Variants in SMYD2 observed in about 807,000 individuals in gnomAD.
SMYD2 encodes the protein SET and MYND domain containing 2.
Under a neutral mutation model 59.1 loss-of-function variants are expected in SMYD2, and 53 were observed. The observed-to-expected ratio is 0.90, with a 90% CI of 0.72 to 1.13. SMYD2 has a LOEUF of 1.13. SMYD2 is among the 50% of genes most tolerant of loss of function. The pLI is 0.00. For synonymous variants in SMYD2, 208 were observed against 198.8 expected (o/e 1.05, Z -0.39); for missense variants, 494 against 544.7 (o/e 0.91, Z 0.93).
At chr1:214,294,355 C>T (rs575993603) in intron 1 of SMYD2, among the ~76,000 whole-genome samples, 1 of 152,258 alleles carries the variant, frequency 6.6e-6, no homozygotes, top group South Asian at 2.1e-4. Context: ...TAAAATTCTT[C>T]TGTAGGCAAT....
chr1:214,314,251 C>T (rs1166643300), intron 2 of SMYD2, among the ~76,000 whole-genome samples: 1 of 152,086 alleles, frequency 6.6e-6, no homozygotes, highest in Non-Finnish European at 1.5e-5. Context: ...ATTCCTAAAT[C>T]TTTCCAGTGG....
chr1:214,325,304 A>G (rs142309860), intron 6 of SMYD2, among the ~76,000 whole-genome samples: 122 of 152,378 alleles, frequency 8.0e-4, no homozygotes, highest in African/African-American at 2.8e-3. Flanking sequence ...TCTGACTTTA[A>G]TGGATTGCCA....
At position 214,337,056 on chromosome 1, in the gene SMYD2, A is replaced by AATT. The variant is rs1435339046; in HGVS notation, c.*276_*278dup. ...TGGACAGACAGAGTTTTAAAAATGG[A>AATT]ATTATTTTTTCTTTCATGCCTCTTG... On this transcript the variant is annotated 3_prime_UTR_variant, in exon 12 of 12. Coordinates refer to ENST00000366957, the MANE Select transcript of SMYD2 (RefSeq NM_020197.3). The AATT allele has an allele frequency of 3.3e-6, 1 of 307,044 alleles. No individual in the cohort carries two copies. Among genetic ancestry groups the AATT allele is most frequent in the East Asian group, 7.9e-5 (1 of 12,644 alleles). The allele number at this position is 307,044 out of a possible 1,614,324, so 19.0% of individuals were successfully genotyped here.
chr1:214,327,920 G>T (rs1490834841), intron 7 of SMYD2, among the ~76,000 whole-genome samples, 196 bp downstream of exon 7: 3 of 152,168 alleles, frequency 2.0e-5, no homozygotes. Context: ...CCACACTTTG[G>T]GGCTTCTGTT....
At chr1:214,282,245 C>T (rs1002609457) in intron 1 of SMYD2, among the ~76,000 whole-genome samples, 2 of 152,218 alleles carry the variant, frequency 1.3e-5, no homozygotes, top group Non-Finnish European at 1.5e-5. Context: ...CATTAGAAAT[C>T]ACCAATTCAG....
chr1:214,310,844 A>G (rs1328544244), intron 2 of SMYD2, among the ~76,000 whole-genome samples: 6 of 152,200 alleles, frequency 3.9e-5, no homozygotes, highest in Non-Finnish European at 8.8e-5. Flanking sequence ...GACCATCTCT[A>G]TGATAGAAGA....
At chr1:214,334,081 G>A in intron 10 of SMYD2, 119 bp from the exon 11 acceptor site, 1 of 794,042 alleles carries the variant, frequency 1.3e-6, no homozygotes, top group African/African-American at 1.7e-5. Context: ...GATTTGGAGA[G>A]GCCGCTGGTG....
At chr1:214,332,326 AG>A (rs1657369474) in intron 10 of SMYD2, 134 bp downstream of exon 10, 1 of 1,027,504 alleles carries the variant, frequency 9.7e-7, no homozygotes, top group Admixed American at 2.6e-5. Flanking sequence ...CCACATCTGG[AG>A]GTGCTGGTGC....
rs1225788656 is a variant in SMYD2 at position 214,318,190 on chromosome 1, A to G, written c.409+51A>G. Reference sequence around the variant, plus strand: ...CAGTTCTCTCAGCCACAGATTTCACATGGGTTGGGCAGGATTGAAGCGAGG... The same window carrying G: ...CAGTTCTCTCAGCCACAGATTTCACGTGGGTTGGGCAGGATTGAAGCGAGG... On this transcript the variant is annotated intron_variant, in intron 4 of 11. Transcript: ENST00000366957. The surrounding 1 kb of genome is among the most constrained non-coding windows in gnomAD (Gnocchi z 5.4). 7 of 1,568,544 alleles carry G rather than the reference A, an allele frequency of 4.5e-6. No homozygotes were observed. Among genetic ancestry groups the G allele is most frequent in the Middle Eastern group, 1.7e-4 (1 of 5,966 alleles).
intron 1 of SMYD2, among the ~76,000 whole-genome samples, chr1:214,301,935 G>T (rs556066425): frequency 1.1e-3 from 171 of 152,222 alleles, no homozygotes; most frequent in African/African-American, 4.0e-3. Flanking sequence ...CAATGCCAAA[G>T]ACATATATAC....
chr1:214,316,348 G>T (rs1453595663), intron 3 of SMYD2, among the ~76,000 whole-genome samples: 1 of 151,972 alleles, frequency 6.6e-6, no homozygotes, highest in African/African-American at 2.4e-5. Context: ...AGGTGTGGTG[G>T]TATACACCTG....
chr1:214,332,254 G>A, intron 10 of SMYD2, 62 bp downstream of exon 10: 3 of 1,559,354 alleles, frequency 1.9e-6, no homozygotes, highest in Non-Finnish European at 2.6e-6. Flanking sequence ...GAATGTATAC[G>A]ATAGTGTCAT....
intron 1 of SMYD2, among the ~76,000 whole-genome samples, chr1:214,292,189 G>A (rs1030379577): frequency 6.6e-6 from 1 of 152,060 alleles, no homozygotes; most frequent in South Asian, 2.1e-4. Context: ...CCATGGTAGA[G>A]TCGGGGCTTC....
At chr1:214,321,398 TACAC>T (rs1302456001) in intron 5 of SMYD2, among the ~76,000 whole-genome samples, 2 of 149,062 alleles carry the variant, frequency 1.3e-5, no homozygotes, top group Non-Finnish European at 3.0e-5. Flanking sequence ...TTCACACAAA[TACAC>T]ACACATATAA....
chr1:214,314,655 CAT>C, intron 2 of SMYD2, 105 bp from the exon 3 acceptor site: 1 of 744,174 alleles, frequency 1.3e-6, no homozygotes, highest in Non-Finnish European at 2.2e-6. Flanking sequence ...CAAAAGGAAA[CAT>C]ATTTTACTTG....
At chr1:214,296,829 G>A (rs1656737387) in intron 1 of SMYD2, among the ~76,000 whole-genome samples, 1 of 152,038 alleles carries the variant, frequency 6.6e-6, no homozygotes, top group Non-Finnish European at 1.5e-5. Context: ...ATCCTAAATT[G>A]TGAGACAGGA....
intron 5 of SMYD2, among the ~76,000 whole-genome samples, chr1:214,322,975 G>C (rs1260359115): frequency 6.6e-6 from 1 of 152,182 alleles, no homozygotes; most frequent in Non-Finnish European, 1.5e-5. Context: ...GTGTCCCCAA[G>C]TGCAGAAGAG....
chr1:214,284,641 A>G (rs1240385787), intron 1 of SMYD2, among the ~76,000 whole-genome samples: 1 of 150,610 alleles, frequency 6.6e-6, no homozygotes, highest in Non-Finnish European at 1.5e-5. Context: ...ATCTTGGCTC[A>G]CTGCAACCTC....
chr1:214,310,099 C>A (rs1656975720), intron 2 of SMYD2, among the ~76,000 whole-genome samples: 1 of 152,208 alleles, frequency 6.6e-6, no homozygotes, highest in Admixed American at 6.5e-5. Context: ...AAAATCCAGT[C>A]TCCTTATCGA....
Sources: allele counts gnomAD v4.1 joint callset (sites outside exome capture counted in the v4.1 genomes callset), GRCh38; gene constraint gnomAD v4.1.1; non-coding constraint Gnocchi (gnomAD v3.1); transcripts MANE v1.5; gene names NCBI Gene and HGNC (gene_info 2026-07-23, HGNC 2026-07-21).